Variants in CTNNA3 observed in about 807,000 individuals in gnomAD.
The protein encoded by CTNNA3 is catenin alpha-3.
CTNNA3 carries 76 observed loss-of-function variants against 95.7 expected under a neutral mutation model. The observed-to-expected ratio is 0.79, with a 90% CI of 0.66 to 0.96. CTNNA3 has a LOEUF of 0.96. CTNNA3 is among the 40% of genes least tolerant of loss of function. CTNNA3 has a pLI of 0.00. For missense variants in CTNNA3, 1,191 were observed against 1,089.8 expected, an observed-to-expected ratio of 1.09 and a Z score of -1.31; for synonymous variants, 431 against 374.4, an observed-to-expected ratio of 1.15 and a Z score of -1.74.
rs566007426 is a variant in CTNNA3, at chr10:67,412,703, C to G, written c.579+109139G>C. On this transcript the variant is annotated intron_variant, in intron 5 of 17. Transcript: ENST00000433211. ...CCAGAAGAGATTAGGGGCCTATTTT[C>G]AGTGTCCTTAAAGAAAGGAAATTCC... Among the ~76,000 whole-genome samples the G allele has an allele frequency of 6.6e-5, 10 of 152,196 alleles. No homozygotes were observed. In the East Asian group the frequency reaches 1.7e-3, roughly 26 times the overall value.
chr10:67,726,321 A>C (rs1273676187), intron 1 of CTNNA3, among the ~76,000 whole-genome samples: 2 of 53,560 alleles, frequency 3.7e-5, no homozygotes, highest in African/African-American at 1.8e-4. Context: ...TATTATATAT[A>C]TTATCTTACA....
At chr10:66,374,606 C>CCT (rs2092780020) in intron 12 of CTNNA3, among the ~76,000 whole-genome samples, 2 of 88,150 alleles carry the variant, frequency 2.3e-5, no homozygotes, top group Admixed American at 2.8e-4. Flanking sequence ...AAAGAAAAGC[C>CCT]TTTTTTTTTT....
At chr10:66,722,394 G>C (rs1848658171) in intron 9 of CTNNA3, among the ~76,000 whole-genome samples, 1 of 146,742 alleles carries the variant, frequency 6.8e-6, no homozygotes. Flanking sequence ...AAAAAAAAAT[G>C]CTAAACTGTG....
rs542856384 is a variant in CTNNA3 at position 67,294,025 on chromosome 10, A to C, written c.580-74155T>G. On this transcript the variant is annotated intron_variant, in intron 5 of 17. Transcript: ENST00000433211. ...GCTCTAGGTTCAATTGGCTCTGAGC[A>C]TGGTAAACAAACTGCAGTCACTAAA... 4.4e-3 allele frequency among the ~76,000 whole-genome samples: 673 copies of C among 152,300 alleles called. 4 individuals carry two copies. Among genetic ancestry groups the C allele is most frequent in the African/African-American group, 0.015 (636 of 41,564 alleles).
chr10:66,691,188 G>A (rs578238647), intron 9 of CTNNA3, among the ~76,000 whole-genome samples: 2 of 152,306 alleles, frequency 1.3e-5, no homozygotes, highest in African/African-American at 2.4e-5. Context: ...AAGGGGTCAG[G>A]GAGTTCCCTT....
chr10:67,760,404 T>G (rs1841456117), intron 1 of CTNNA3, among the ~76,000 whole-genome samples: 1 of 152,166 alleles, frequency 6.6e-6, no homozygotes, highest in Admixed American at 6.5e-5. Flanking sequence ...AAGCTAATAT[T>G]ACAAGTTATA....
intron 5 of CTNNA3, among the ~76,000 whole-genome samples, chr10:67,452,749 G>T (rs1847035327): frequency 6.6e-6 from 1 of 152,250 alleles, no homozygotes; most frequent in Non-Finnish European, 1.5e-5. Context: ...AAAAGGATAG[G>T]CAGGAACACA....
At chr10:66,473,672 C>T (rs185554172) in intron 11 of CTNNA3, among the ~76,000 whole-genome samples, 1 of 152,004 alleles carries the variant, frequency 6.6e-6, no homozygotes, top group Admixed American at 6.6e-5. Context: ...TGCCTCCCCC[C>T]ACTCCACAAC....
intron 1 of CTNNA3, among the ~76,000 whole-genome samples, chr10:67,736,830 T>C (rs1813700085): frequency 6.6e-6 from 1 of 152,044 alleles, no homozygotes; most frequent in African/African-American, 2.4e-5. Context: ...TACAGAATAT[T>C]TCACCAACTG....
intron 14 of CTNNA3, among the ~76,000 whole-genome samples, chr10:66,083,430 C>T (rs1253052108): frequency 6.6e-6 from 1 of 152,138 alleles, no homozygotes; most frequent in Non-Finnish European, 1.5e-5. Context: ...ATTATCATTG[C>T]CACAACCTCC....
intron 13 of CTNNA3, among the ~76,000 whole-genome samples, chr10:66,140,542 C>T (rs560325914): frequency 2.0e-5 from 3 of 152,124 alleles, no homozygotes; most frequent in Admixed American, 6.6e-5. Context: ...TTCATAATGT[C>T]GTTAGGTATT....
chr10:66,801,103 C>A (rs1486630666), intron 7 of CTNNA3, among the ~76,000 whole-genome samples: 9 of 151,304 alleles, frequency 5.9e-5, no homozygotes. Flanking sequence ...GTTCTCCACA[C>A]CTCTATTCAA....
intron 15 of CTNNA3, among the ~76,000 whole-genome samples, chr10:66,015,194 A>T (rs2079071572): frequency 6.6e-6 from 1 of 152,112 alleles, no homozygotes; most frequent in African/African-American, 2.4e-5. Context: ...ATGCTAAATG[A>T]TTTTTAAAAA....
At chr10:66,021,193 G>A (rs557448821) in intron 15 of CTNNA3, among the ~76,000 whole-genome samples, 3 of 152,198 alleles carry the variant, frequency 2.0e-5, no homozygotes, top group East Asian at 3.9e-4. Context: ...CCGAAACATC[G>A]AATATAAGAA....
intron 17 of CTNNA3, among the ~76,000 whole-genome samples, chr10:65,952,281 C>T (rs1310629564): frequency 2.0e-5 from 3 of 152,128 alleles, no homozygotes; most frequent in African/African-American, 7.2e-5. Flanking sequence ...CCCCCACATG[C>T]ATTTTTTGAA....
At chr10:66,969,227 T>C (rs1369150881) in intron 7 of CTNNA3, among the ~76,000 whole-genome samples, 1 of 152,098 alleles carries the variant, frequency 6.6e-6, no homozygotes, top group East Asian at 1.9e-4. Flanking sequence ...TTCATACATC[T>C]ATGCACAGGC....
At chr10:67,345,567 C>G (rs1338835079) in intron 5 of CTNNA3, among the ~76,000 whole-genome samples, 1 of 152,100 alleles carries the variant, frequency 6.6e-6, no homozygotes, top group Admixed American at 6.6e-5. Context: ...ATGCCTTTAT[C>G]ATTATATAGT....
intron 13 of CTNNA3, among the ~76,000 whole-genome samples, chr10:66,256,805 T>C (rs1034136184): frequency 6.6e-6 from 1 of 152,048 alleles, no homozygotes; most frequent in Non-Finnish European, 1.5e-5. Context: ...TTCTTTTTCA[T>C]TAACTAATAA....
chr10:66,775,142 G>T (rs1840242634), intron 8 of CTNNA3, among the ~76,000 whole-genome samples: 1 of 152,080 alleles, frequency 6.6e-6, no homozygotes, highest in African/African-American at 2.4e-5. Flanking sequence ...TAATTTCATT[G>T]TATAGGTTCA....
Sources: allele counts gnomAD v4.1 joint callset (sites outside exome capture counted in the v4.1 genomes callset), GRCh38; gene constraint gnomAD v4.1.1; transcripts MANE v1.5; gene names NCBI Gene and HGNC (gene_info 2026-07-23, HGNC 2026-07-21).